SMOC1: variants seen among roughly 807,000 people sequenced by gnomAD.
SMOC1 encodes the protein SPARC-related modular calcium-binding protein 1.
A neutral mutation model predicts 56.3 loss-of-function variants in SMOC1; 22 were observed. The observed-to-expected ratio is 0.39, with a 90% CI of 0.28 to 0.56. The LOEUF (loss-of-function observed/expected upper bound fraction) is 0.56. Ranked by LOEUF, SMOC1 falls within the 20% of genes least tolerant of loss-of-function variation. SMOC1 has a pLI of 0.61. For missense variants in SMOC1, 509 were observed against 565.4 expected (o/e 0.90, Z 1.01); for synonymous variants, 193 against 215.0 (o/e 0.90, Z 0.89).
chr14:69,879,581 G>T lies in SMOC1; in HGVS notation c.-98G>T, dbSNP rs948902825. ...GGACCACGGCCCGCTCCCCGCCGCCGCGAGGGCCCCGAGCGAAGGAAGGAA... is the reference window on the plus strand; with the variant it reads ...GGACCACGGCCCGCTCCCCGCCGCCTCGAGGGCCCCGAGCGAAGGAAGGAA... On this transcript the variant is annotated 5_prime_UTR_variant, in exon 1 of 12. Coordinates refer to ENST00000361956, the MANE Select transcript of SMOC1 (RefSeq NM_001034852.3). The T allele has an allele frequency of 2.1e-5, 21 of 977,952 alleles. No individual in the cohort carries two copies. The highest frequency in any genetic ancestry group is 2.7e-5 in the Non-Finnish European group (20 of 732,688). The allele number at this position is 977,952 out of a possible 1,614,324, so 60.6% of individuals were successfully genotyped here. A position where few individuals can be genotyped will look rare whatever the true frequency, so the allele number is the denominator to read the frequency against.
intron 5 of SMOC1, among the ~76,000 whole-genome samples, chr14:69,985,058 AGAAAG>A (rs1433955878): frequency 2.0e-5 from 3 of 151,914 alleles, no homozygotes; most frequent in African/African-American, 4.8e-5. Context: ...AAAAAAGAAA[AGAAAG>A]AAATTGGCCA....
chr14:70,020,574 A>G (rs8008125), intron 10 of SMOC1, among the ~76,000 whole-genome samples: 91,887 of 152,008 alleles, frequency 0.6, 28,320 homozygotes, highest in Non-Finnish European at 0.63. Context: ...CAGAGGCACT[A>G]CCTGGAGGGG....
At chr14:69,893,895 G>T (rs1368749266) in intron 1 of SMOC1, among the ~76,000 whole-genome samples, 1 of 152,108 alleles carries the variant, frequency 6.6e-6, no homozygotes. Context: ...TCTGACTGGT[G>T]CCCGAATAAG....
At chr14:70,009,841 A>G (rs1478164496) in intron 7 of SMOC1, among the ~76,000 whole-genome samples, 1 of 152,228 alleles carries the variant, frequency 6.6e-6, no homozygotes, top group Admixed American at 6.5e-5. Context: ...TCTTTATAAT[A>G]AGAAACCCAA....
rs1337244668 is a variant in SMOC1 at position 69,984,734 on chromosome 14, A to G, written c.526+6769A>G. 2.0e-5 allele frequency among the ~76,000 whole-genome samples: 3 copies of G among 151,992 alleles called. No homozygotes were observed. The East Asian group carries it at 5.8e-4, about 29-fold the overall frequency. ...GCCAGGCATGGTGGCACGTGCCTGT[A>G]ATCCCAGCTACTCAGGAGGCCGCGA... On this transcript the variant is annotated intron_variant, in intron 5 of 11. Transcript: ENST00000361956.
At chr14:69,923,616 C>T (rs1417805945) in intron 1 of SMOC1, among the ~76,000 whole-genome samples, 1 of 152,128 alleles carries the variant, frequency 6.6e-6, no homozygotes, top group Admixed American at 6.5e-5. Context: ...TCATCGAGTC[C>T]CTTGGCTTTA....
intron 1 of SMOC1, among the ~76,000 whole-genome samples, chr14:69,884,303 T>A (rs987758631): frequency 2.7e-5 from 4 of 147,230 alleles, no homozygotes; most frequent in African/African-American, 1.1e-4. Context: ...TTGTTTTTTG[T>A]TTTTTTTGCT....
Position 69,917,448 on chromosome 14 carries a change from G to C in SMOC1, c.100-34690G>C, listed in dbSNP as rs182285900. Among the ~76,000 whole-genome samples, 4 of 152,246 alleles carry C rather than the reference G, an allele frequency of 2.6e-5. 1 individual carries two copies. In the East Asian group the frequency reaches 7.7e-4, roughly 29 times the overall value. On this transcript the variant is annotated intron_variant, in intron 1 of 11. Coordinates refer to ENST00000361956, the MANE Select transcript of SMOC1 (RefSeq NM_001034852.3). ...CAGACATGTGTAGCTTGCATTAAAA[G>C]AAAACAAAACAAAACACGTAGAGGT...
At chr14:69,890,562 G>A (rs1389074575) in intron 1 of SMOC1, among the ~76,000 whole-genome samples, 2 of 152,066 alleles carry the variant, frequency 1.3e-5, no homozygotes, top group Non-Finnish European at 2.9e-5. Flanking sequence ...ATTGAAAAAT[G>A]CCCCCTAAAC....
chr14:69,934,974 C>A (rs1162850861), intron 1 of SMOC1, among the ~76,000 whole-genome samples: 2 of 152,104 alleles, frequency 1.3e-5, no homozygotes, highest in African/African-American at 2.4e-5. Context: ...CTTAGCCCTG[C>A]CCCTGGCACA....
chr14:69,928,231 T>C (rs1885068835), intron 1 of SMOC1, among the ~76,000 whole-genome samples: 1 of 152,190 alleles, frequency 6.6e-6, no homozygotes, highest in African/African-American at 2.4e-5. Context: ...AGGTTGGGCT[T>C]ACCTTGAGTC....
chr14:69,984,474 C>T (rs1040133113), intron 5 of SMOC1, among the ~76,000 whole-genome samples: 2 of 152,020 alleles, frequency 1.3e-5, no homozygotes, highest in South Asian at 2.1e-4. Flanking sequence ...ATTTGCAAAC[C>T]GTCTATCCAA....
chr14:70,023,077 G>C, intron 10 of SMOC1, 126 bp from the exon 11 acceptor site: 3 of 1,439,276 alleles, frequency 2.1e-6, no homozygotes, highest in Admixed American at 3.4e-5. Flanking sequence ...GAGCCGCTGT[G>C]GGTGGACTTT....
intron 1 of SMOC1, among the ~76,000 whole-genome samples, chr14:69,921,545 G>T (rs188132755): frequency 6.6e-6 from 1 of 152,318 alleles, no homozygotes; most frequent in East Asian, 1.9e-4. Flanking sequence ...GGGGCTCTGG[G>T]TCCTGGGGCC....
intron 1 of SMOC1, among the ~76,000 whole-genome samples, chr14:69,903,284 G>C (rs889789199): frequency 9.2e-5 from 14 of 152,078 alleles, no homozygotes; most frequent in Non-Finnish European, 2.1e-4. Context: ...CCTCTGGGAG[G>C]TGAGAAGCGT....
At chr14:69,964,421 A>G (rs181903092) in intron 3 of SMOC1, among the ~76,000 whole-genome samples, 112 of 145,342 alleles carry the variant, frequency 7.7e-4, no homozygotes, top group African/African-American at 2.6e-3. Flanking sequence ...TCTGTCGCCC[A>G]GGCTGGAGTG....
chr14:69,979,495 G>T (rs1010565637), intron 5 of SMOC1, among the ~76,000 whole-genome samples: 1 of 152,190 alleles, frequency 6.6e-6, no homozygotes, highest in African/African-American at 2.4e-5. Flanking sequence ...GTGGGAAAGT[G>T]GGGAGAGAAT....
At chr14:69,914,949 C>T (rs1247814666) in intron 1 of SMOC1, among the ~76,000 whole-genome samples, 2 of 152,128 alleles carry the variant, frequency 1.3e-5, no homozygotes, top group African/African-American at 4.8e-5. Context: ...TCGCTGCAAC[C>T]TCCGCCTCCT....
Position 70,000,150 on chromosome 14 carries a change from T to A in SMOC1, c.664+5670T>A, listed in dbSNP as rs539494875. ...CCTTGTTCTGTGTTTATTTGTAAAG[T>A]GGCTTTGGAAGTAGACGGGGTCTAC... On this transcript the variant is annotated intron_variant, in intron 7 of 11. Transcript: ENST00000361956. Among the ~76,000 whole-genome samples, 20 of 152,314 alleles carry A rather than the reference T, an allele frequency of 1.3e-4. No individual in the cohort carries two copies. In the South Asian group the frequency reaches 3.7e-3, roughly 28 times the overall value.
Sources: gnomAD v4.1 joint callset for allele counts (sites outside exome capture counted in the v4.1 genomes callset) on GRCh38, gnomAD v4.1.1 for gene constraint, MANE v1.5 for transcripts, NCBI Gene and HGNC (gene_info 2026-07-23, HGNC 2026-07-21) for gene names.